The following STXBP4 variants were observed in gnomAD, a reference collection of about 807,000 sequenced individuals.
STXBP4 encodes the protein syntaxin binding protein 4, also known as syntaxin-binding protein 4.
STXBP4 carries 55 observed loss-of-function variants against 76.1 expected under a neutral mutation model. That is an observed-to-expected ratio of 0.72 (90% CI 0.58 to 0.91). The LOEUF (loss-of-function observed/expected upper bound fraction) is 0.91. Ranked by LOEUF, STXBP4 falls within the 40% of genes least tolerant of loss-of-function variation. The pLI, the probability that STXBP4 is intolerant of heterozygous loss-of-function variation, is 0.00. For missense variants in STXBP4, 618 were observed against 636.9 expected, an observed-to-expected ratio of 0.97 and a Z score of 0.32; for synonymous variants, 201 against 220.2, an observed-to-expected ratio of 0.91 and a Z score of 0.77.
Position 55,165,611 on chromosome 17 carries a change from A to G in STXBP4, c.*5700A>G, listed in dbSNP as rs962106301. 9.9e-5 allele frequency: 15 copies of G among 152,240 alleles called. No individual in the cohort carries two copies. The highest frequency in any genetic ancestry group is 3.6e-4 in the African/African-American group (15 of 41,450). 9.4% of individuals were successfully genotyped at this position (152,240 alleles called of 1,614,324 possible). Reference sequence around the variant, plus strand: ...TCGGACAATAACATTAGACCATCTTAACCCAGAGTGCCTTAGCACTAGATA... The same window carrying G: ...TCGGACAATAACATTAGACCATCTTGACCCAGAGTGCCTTAGCACTAGATA... On this transcript the variant is annotated 3_prime_UTR_variant, in exon 18 of 18. Transcript: ENST00000376352.
intron 12 of STXBP4, among the ~76,000 whole-genome samples, chr17:55,055,447 G>A (rs1318955755): frequency 3.3e-5 from 5 of 152,060 alleles, no homozygotes; most frequent in South Asian, 2.1e-4. Flanking sequence ...GGTCTAAGCC[G>A]CCATCAGGTC....
chr17:55,063,521 G>A (rs1238111511), intron 12 of STXBP4, among the ~76,000 whole-genome samples: 3 of 152,114 alleles, frequency 2.0e-5, no homozygotes, highest in Admixed American at 6.5e-5. Context: ...TCATACTTTG[G>A]CATCAGTTGT....
rs1397326488 is a variant in STXBP4, at chr17:55,167,814, G to C, written c.*7903G>C. ...GTAACCCCACTGGAATTGCTTGACTGTTCTGTTTCACAGTGGAGAAATTCA... is the reference window on the plus strand; with the variant it reads ...GTAACCCCACTGGAATTGCTTGACTCTTCTGTTTCACAGTGGAGAAATTCA... On this transcript the variant is annotated 3_prime_UTR_variant, in exon 18 of 18. Transcript: ENST00000376352. The C allele has an allele frequency of 6.6e-6, 1 of 152,124 alleles. No homozygotes were observed. The highest frequency in any genetic ancestry group is 1.5e-5 in the Non-Finnish European group (1 of 68,010). 9.4% of individuals were successfully genotyped at this position (152,124 alleles called of 1,614,324 possible).
chr17:54,982,498 T>A (rs1211510120), intron 1 of STXBP4, among the ~76,000 whole-genome samples: 1 of 152,156 alleles, frequency 6.6e-6, no homozygotes, highest in Non-Finnish European at 1.5e-5. Flanking sequence ...CAAACTAGAA[T>A]AACAATATAT....
At chr17:55,145,409 A>G (rs1194091365) in intron 17 of STXBP4, among the ~76,000 whole-genome samples, 1 of 152,202 alleles carries the variant, frequency 6.6e-6, no homozygotes, top group African/African-American at 2.4e-5. Flanking sequence ...GATGGTCTAT[A>G]TACACATAAT....
chr17:55,038,611 A>G (rs952917059), intron 10 of STXBP4, among the ~76,000 whole-genome samples: 1 of 151,744 alleles, frequency 6.6e-6, no homozygotes, highest in Admixed American at 6.6e-5. Context: ...TCATTGCTAC[A>G]TTAGAAAATT....
chr17:54,984,536 G>C (rs1389112206), intron 1 of STXBP4, among the ~76,000 whole-genome samples: 1 of 151,564 alleles, frequency 6.6e-6, no homozygotes, highest in Non-Finnish European at 1.5e-5. Context: ...GTAGAGACGA[G>C]ATTTCACCGT....
At chr17:55,037,602 T>A (rs2078625353) in intron 10 of STXBP4, among the ~76,000 whole-genome samples, 1 of 152,134 alleles carries the variant, frequency 6.6e-6, no homozygotes, top group East Asian at 1.9e-4. Flanking sequence ...GACATGTCAA[T>A]GATTTCCAAT....
chr17:55,107,040 G>A (rs2145041528), intron 16 of STXBP4, among the ~76,000 whole-genome samples: 1 of 152,242 alleles, frequency 6.6e-6, no homozygotes, highest in South Asian at 2.1e-4. Context: ...TTTCCAACTT[G>A]GTTCCATTCT....
At chr17:55,015,141 C>A (rs148294606) in intron 8 of STXBP4, among the ~76,000 whole-genome samples, 1 of 152,110 alleles carries the variant, frequency 6.6e-6, no homozygotes, top group East Asian at 1.9e-4. Flanking sequence ...TTCTCAATGC[C>A]TCCCTTAGTC....
At chr17:55,057,064 TCTTATA>T (rs1014718097) in intron 12 of STXBP4, among the ~76,000 whole-genome samples, 108 of 152,336 alleles carry the variant, frequency 7.1e-4, no homozygotes, top group African/African-American at 2.4e-3. Context: ...CACTATAAAC[TCTTATA>T]CTTATCTAGC....
intron 16 of STXBP4, among the ~76,000 whole-genome samples, chr17:55,107,871 G>A (rs971954776): frequency 4.6e-5 from 7 of 152,220 alleles, no homozygotes; most frequent in African/African-American, 1.4e-4. Context: ...TCCAGGAGGT[G>A]TCTCCCTGTC....
chr17:55,115,598 T>G (rs2079771558), intron 16 of STXBP4, among the ~76,000 whole-genome samples: 1 of 151,868 alleles, frequency 6.6e-6, no homozygotes, highest in African/African-American at 2.4e-5. Context: ...ACCCTCTTTT[T>G]TATTCTTTGG....
intron 16 of STXBP4, among the ~76,000 whole-genome samples, chr17:55,133,556 A>C (rs1044106719): frequency 3.3e-5 from 5 of 152,166 alleles, no homozygotes; most frequent in African/African-American, 1.2e-4. Context: ...AAAGAACAGA[A>C]AGGAAGGACA....
intron 16 of STXBP4, among the ~76,000 whole-genome samples, chr17:55,131,910 A>G (rs2079977696): frequency 6.6e-6 from 1 of 152,092 alleles, no homozygotes; most frequent in African/African-American, 2.4e-5. Context: ...CTATAAGTGC[A>G]TGCCACTATG....
At position 55,172,595 on chromosome 17, in the gene STXBP4, T is replaced by G. The variant is rs1388747259; in HGVS notation, c.*12684T>G. 4 of 152,240 alleles carry G rather than the reference T, an allele frequency of 2.6e-5. No homozygotes were observed. The highest frequency in any genetic ancestry group is 2.6e-4 in the Admixed American group (4 of 15,286). 9.4% of individuals were successfully genotyped at this position (152,240 alleles called of 1,614,324 possible). On this transcript the variant is annotated 3_prime_UTR_variant, in exon 18 of 18. Coordinates refer to ENST00000376352, the MANE Select transcript of STXBP4 (RefSeq NM_178509.6). ...ATTTGAAGACTGTCCCTAAGTCATT[T>G]CTTCTAAAAGTTAGTAATAATCCCA... is the stretch of plus-strand genomic sequence containing the variant.
chr17:55,187,623 T>C, the STXBP4 span, among the ~76,000 whole-genome samples: 1 of 152,078 alleles, frequency 6.6e-6, no homozygotes, highest in Non-Finnish European at 1.5e-5. Flanking sequence ...TGACAAAGCT[T>C]CCTCCCAAGG....
chr17:55,095,428 T>G (rs2079472489), intron 16 of STXBP4, among the ~76,000 whole-genome samples: 1 of 152,154 alleles, frequency 6.6e-6, no homozygotes, highest in Non-Finnish European at 1.5e-5. Context: ...CTGAATGCCT[T>G]ATTTTGGGTT....
chr17:55,176,960 C>T (rs1185286539), downstream of STXBP4, among the ~76,000 whole-genome samples: 1 of 152,094 alleles, frequency 6.6e-6, no homozygotes, highest in East Asian at 1.9e-4. Flanking sequence ...CCACTTAGTT[C>T]TCAGGCCTCA....
Sources: gnomAD v4.1 joint callset for allele counts (sites outside exome capture counted in the v4.1 genomes callset) on GRCh38, gnomAD v4.1.1 for gene constraint, MANE v1.5 for transcripts, NCBI Gene and HGNC (gene_info 2026-07-23, HGNC 2026-07-21) for gene names.